The following ARID1B variants were observed in gnomAD, a reference collection of about 807,000 sequenced individuals.
ARID1B encodes AT-rich interactive domain-containing protein 1B.
ARID1B carries 30 observed loss-of-function variants against 212.3 expected under a neutral mutation model. The ratio of observed to expected loss-of-function variants is 0.14; its 90% confidence interval spans 0.11 to 0.19. ARID1B has a LOEUF of 0.19. Ranked by LOEUF, ARID1B falls within the 10% of genes least tolerant of loss-of-function variation. ARID1B has a pLI of 1.00. For synonymous variants in ARID1B, 1,402 were observed against 1,301.7 expected, an observed-to-expected ratio of 1.08 and a Z score of -1.66; for missense variants, 2,891 against 3,204.0, an observed-to-expected ratio of 0.90 and a Z score of 2.36.
chr6:157,160,826 C>T (rs1044496192), intron 8 of ARID1B, among the ~76,000 whole-genome samples: 1 of 152,184 alleles, frequency 6.6e-6, no homozygotes, highest in African/African-American at 2.4e-5. Context: ...CTGGTTAATT[C>T]CAGTGGATTG....
intron 5 of ARID1B, among the ~76,000 whole-genome samples, chr6:157,098,931 C>A (rs1254227190): frequency 2.0e-5 from 3 of 152,164 alleles, no homozygotes; most frequent in Non-Finnish European, 4.4e-5. Flanking sequence ...TGCGGAGAAT[C>A]CTCTGTATGT....
chr6:156,917,957 G>C (rs995159098), intron 3 of ARID1B, among the ~76,000 whole-genome samples: 4 of 152,092 alleles, frequency 2.6e-5, no homozygotes, highest in African/African-American at 9.7e-5. Flanking sequence ...CCGTGAACTG[G>C]AAGTACTTGG....
At chr6:156,998,177 G>A (rs6930554) in intron 4 of ARID1B, among the ~76,000 whole-genome samples, 92,442 of 150,512 alleles carry the variant, frequency 0.61, 29,974 homozygotes, top group African/African-American at 0.84. Flanking sequence ...TAGCTTTTCT[G>A]TTTTGCTCCC....
At chr6:156,978,975 GATAAATCCATTT>G (rs1777436773) in intron 4 of ARID1B, among the ~76,000 whole-genome samples, 1 of 152,114 alleles carries the variant, frequency 6.6e-6, no homozygotes. Flanking sequence ...AGTTAAGGCT[GATAAATCCATTT>G]TAATGCTATT....
At chr6:157,001,006 T>A (rs1778882717) in intron 4 of ARID1B, among the ~76,000 whole-genome samples, 1 of 152,136 alleles carries the variant, frequency 6.6e-6, no homozygotes, top group African/African-American at 2.4e-5. Flanking sequence ...AAACACTCAT[T>A]TCTAATAAAG....
intron 8 of ARID1B, among the ~76,000 whole-genome samples, chr6:157,157,146 C>A (rs1011424295): frequency 6.6e-6 from 1 of 152,180 alleles, no homozygotes; most frequent in Non-Finnish European, 1.5e-5. Context: ...GGCCCTCTCA[C>A]AGCTGGTGGC....
chr6:156,961,531 G>A (rs1290607108), intron 4 of ARID1B, among the ~76,000 whole-genome samples: 3 of 152,134 alleles, frequency 2.0e-5, no homozygotes, highest in African/African-American at 7.2e-5. Context: ...GGACAGTCAG[G>A]TGAGCACAGG....
At chr6:156,976,651 G>A (rs1379401287) in intron 4 of ARID1B, among the ~76,000 whole-genome samples, 5 of 152,096 alleles carry the variant, frequency 3.3e-5, no homozygotes, top group Admixed American at 2.0e-4. Context: ...CTTCCACCAC[G>A]TGGAAGCTTT....
chr6:156,911,409 G>A (rs546161113), intron 3 of ARID1B, among the ~76,000 whole-genome samples: 2 of 142,732 alleles, frequency 1.4e-5, no homozygotes, highest in African/African-American at 5.3e-5. Context: ...AAGTAGTGTC[G>A]GCTGTGGCAT....
At chr6:156,883,654 C>T (rs993143571) in intron 2 of ARID1B, among the ~76,000 whole-genome samples, 5 of 152,164 alleles carry the variant, frequency 3.3e-5, no homozygotes, top group Non-Finnish European at 7.4e-5. Flanking sequence ...ATCCTCACCT[C>T]GGGACTGTCA....
At chr6:156,873,065 GTTTC>G (rs1175699555) in intron 2 of ARID1B, among the ~76,000 whole-genome samples, 1 of 152,126 alleles carries the variant, frequency 6.6e-6, no homozygotes, top group African/African-American at 2.4e-5. Context: ...GCCATTTCAT[GTTTC>G]TTTCTTTCCC....
intron 2 of ARID1B, among the ~76,000 whole-genome samples, chr6:156,884,551 C>A (rs1787356146): frequency 6.6e-6 from 1 of 152,146 alleles, no homozygotes; most frequent in Admixed American, 6.6e-5. Flanking sequence ...GGCGTTCCAT[C>A]TGGGAGGATT....
intron 4 of ARID1B, among the ~76,000 whole-genome samples, chr6:157,074,141 A>C (rs1248603973): frequency 6.6e-6 from 1 of 152,232 alleles, no homozygotes; most frequent in Non-Finnish European, 1.5e-5. Flanking sequence ...TTTGAGAAGC[A>C]GGTTTCATTA....
chr6:156,963,536 G>T (rs1794542136), intron 4 of ARID1B, among the ~76,000 whole-genome samples: 1 of 152,118 alleles, frequency 6.6e-6, no homozygotes. Flanking sequence ...AAATATTAAA[G>T]AATCTAAATA....
chr6:156,897,206 GCTGCTGCTGCTGCTTCTTCTTCTT>G lies in ARID1B; in HGVS notation c.1987-4167_1987-4144del, dbSNP rs1178208928. ...TGCTGCTGCTACTGCTGCTGCTGCT[GCTGCTGCTGCTGCTTCTTCTTCTT>G]CTTCTTCTTCTTCTTCTTCTTCTTC... On this transcript the variant is annotated intron_variant, in intron 2 of 19. Transcript: ENST00000636930. Among the ~76,000 whole-genome samples the G allele has an allele frequency of 6.5e-4, 54 of 82,844 alleles. 1 individual carries two copies. The highest frequency in any genetic ancestry group is 1.2e-3 in the South Asian group (3 of 2,406). 54.3% of individuals were successfully genotyped at this position (82,844 alleles called of 152,430 possible).
intron 3 of ARID1B, among the ~76,000 whole-genome samples, chr6:156,932,315 T>G (rs998203572): frequency 5.9e-5 from 9 of 152,116 alleles, no homozygotes; most frequent in Admixed American, 5.9e-4. Flanking sequence ...GTTAAAAGAT[T>G]GTGAGTGAGA....
At chr6:157,090,310 A>C (rs1785199781) in intron 5 of ARID1B, among the ~76,000 whole-genome samples, 1 of 152,214 alleles carries the variant, frequency 6.6e-6, no homozygotes, top group Non-Finnish European at 1.5e-5. Context: ...TTTTGTTTAT[A>C]AAACTAAGCT....
chr6:157,047,019 T>A (rs1782284350), intron 4 of ARID1B, among the ~76,000 whole-genome samples: 1 of 152,202 alleles, frequency 6.6e-6, no homozygotes, highest in Non-Finnish European at 1.5e-5. Flanking sequence ...GTTGTTTTTT[T>A]AAATCAGTCC....
At chr6:156,786,566 C>CT (rs1379083099) in intron 1 of ARID1B, among the ~76,000 whole-genome samples, 2 of 152,116 alleles carry the variant, frequency 1.3e-5, no homozygotes, top group African/African-American at 4.8e-5. Context: ...CAGTTATGTA[C>CT]TTTAACACCA....
Sources: allele counts gnomAD v4.1 joint callset (sites outside exome capture counted in the v4.1 genomes callset), GRCh38; gene constraint gnomAD v4.1.1; transcripts MANE v1.5; gene names NCBI Gene and HGNC (gene_info 2026-07-23, HGNC 2026-07-21).